The following RHPN2 variants were observed in gnomAD, a reference collection of about 807,000 sequenced individuals.
RHPN2 encodes rhophilin-2.
Under a neutral mutation model 79.0 loss-of-function variants are expected in RHPN2, and 40 were observed. The ratio of observed to expected loss-of-function variants is 0.51; its 90% CI spans 0.39 to 0.66. RHPN2 has a LOEUF of 0.66. Among genes scored for constraint, RHPN2 ranks in the 30% least tolerant of loss-of-function variants. The pLI, the probability that RHPN2 is intolerant of heterozygous loss-of-function variation, is 0.00. For synonymous variants in RHPN2, 285 were observed against 363.5 expected (o/e 0.78, Z 2.46); for missense variants, 686 against 883.5 (o/e 0.78, Z 2.83).
chr19:32,984,476 T>C (rs1295050877), intron 14 of RHPN2, among the ~76,000 whole-genome samples: 1 of 152,026 alleles, frequency 6.6e-6, no homozygotes, highest in Non-Finnish European at 1.5e-5. Context: ...CTGGCCAATA[T>C]GGTGAAACCC....
chr19:33,049,411 C>T (rs1346111642), intron 1 of RHPN2, among the ~76,000 whole-genome samples: 1 of 152,160 alleles, frequency 6.6e-6, no homozygotes, highest in Non-Finnish European at 1.5e-5. Context: ...CTCTGCAACT[C>T]AGAGACAGGG....
At chr19:33,014,464 CT>C (rs771734322) in intron 4 of RHPN2, among the ~76,000 whole-genome samples, 58 of 152,222 alleles carry the variant, frequency 3.8e-4, no homozygotes, top group Non-Finnish European at 7.5e-4. Flanking sequence ...CACCACCACA[CT>C]CAGCTAATAT....
intron 14 of RHPN2, among the ~76,000 whole-genome samples, chr19:32,986,907 G>C (rs1388273864): frequency 3.3e-5 from 5 of 151,234 alleles, no homozygotes; most frequent in African/African-American, 4.9e-5. Context: ...ACAGGGTCTT[G>C]CTCTGACACC....
chr19:33,064,222 T>C (rs1476933917), intron 1 of RHPN2, among the ~76,000 whole-genome samples: 1 of 151,852 alleles, frequency 6.6e-6, no homozygotes, highest in Non-Finnish European at 1.5e-5. Context: ...CAGTCCCAGT[T>C]ACTCGGGAGG....
At chr19:33,012,977 G>A (rs1304883003) in intron 4 of RHPN2, among the ~76,000 whole-genome samples, 2 of 151,880 alleles carry the variant, frequency 1.3e-5, no homozygotes, top group Admixed American at 6.6e-5. Context: ...CCGGGTTCAC[G>A]CAATTCTCCT....
At chr19:33,003,269 G>A (rs1971764807) in intron 7 of RHPN2, among the ~76,000 whole-genome samples, 1 of 147,758 alleles carries the variant, frequency 6.8e-6, no homozygotes, top group African/African-American at 2.5e-5. Context: ...GAGGCAGGAG[G>A]ATTGCTTGAG....
At position 32,996,111 on chromosome 19, in the gene RHPN2, G is replaced by T. The variant is rs763650342; in HGVS notation, c.1335C>A (p.Ala445=). Residue 445 remains alanine, a synonymous_variant, in exon 11 of 15, where the codon GCC becomes GCA. Coordinates refer to ENST00000254260, the MANE Select transcript of RHPN2 (RefSeq NM_033103.5). ...SIEVLQKVLC[A]AQERSRLTYA... Reference sequence around the variant, plus strand: ...ACGTGAGCCGGGAGCGTTCCTGTGCGGCACACAGCACCTTCTGTAGCACCT... The same window carrying T: ...ACGTGAGCCGGGAGCGTTCCTGTGCTGCACACAGCACCTTCTGTAGCACCT... 24 of 1,614,038 alleles carry T rather than the reference G, an allele frequency of 1.5e-5. No homozygotes were observed. The highest frequency in any genetic ancestry group is 1.9e-5 in the Non-Finnish European group (22 of 1,179,922).
chr19:33,022,452 TA>T (rs1346327550), intron 3 of RHPN2, among the ~76,000 whole-genome samples: 1 of 152,040 alleles, frequency 6.6e-6, no homozygotes, highest in Non-Finnish European at 1.5e-5. Context: ...TCTGGGTTCA[TA>T]GGGGCCTCTT....
intron 7 of RHPN2, 75 bp from the exon 8 acceptor site, chr19:33,003,075 G>A: frequency 7.3e-7 from 1 of 1,374,716 alleles, no homozygotes; most frequent in Non-Finnish European, 1.0e-6. Context: ...AGAAAGATAG[G>A]AGGCCGAGTG....
rs750188155 is a variant in RHPN2 at position 33,002,933 on chromosome 19, G to A, written c.828C>T (p.Leu276=). 2.5e-6 allele frequency: 4 copies of A among 1,613,952 alleles called. No individual in the cohort carries two copies. In the East Asian group the frequency reaches 6.7e-5, roughly 27 times the overall value. The change falls in exon 8 of 15, where the codon CTC becomes CTT. Residue 276 remains leucine, a synonymous_variant. Transcript: ENST00000254260. Reference sequence around the variant, plus strand: ...CAAGCATCATTTTGACGAGCACGCTGAGCATGGCAGGGCTCATGTCGTAAC... The same window carrying A: ...CAAGCATCATTTTGACGAGCACGCTAAGCATGGCAGGGCTCATGTCGTAAC... ...TPSYDMSPAM[L]SVLVKMMLAQ... is the part of the protein sequence containing the mutation.
intron 1 of RHPN2, among the ~76,000 whole-genome samples, chr19:33,057,885 C>T (rs764645593): frequency 6.6e-6 from 1 of 151,908 alleles, no homozygotes; most frequent in Non-Finnish European, 1.5e-5. Flanking sequence ...CTGGGCTCGG[C>T]GCAGTGGCTC....
rs1201194176 is a variant in RHPN2 at position 33,012,743 on chromosome 19, C to T, written c.391-19G>A. The T allele has an allele frequency of 7.1e-7, 1 of 1,414,294 alleles. No individual in the cohort carries two copies. Among genetic ancestry groups the T allele is most frequent in the Admixed American group, 1.7e-5 (1 of 59,708 alleles). The allele number at this position is 1,414,294 out of a possible 1,614,324, so 87.6% of individuals were successfully genotyped here. ...TAAAATCCTTAAAGAAAAATGAGGT[C>T]AGATGTTATAAAGTGTGGCTGAAAA... On this transcript the variant is annotated intron_variant, in intron 4 of 14. Coordinates refer to ENST00000254260, the MANE Select transcript of RHPN2 (RefSeq NM_033103.5).
intron 10 of RHPN2, among the ~76,000 whole-genome samples, chr19:32,998,514 GT>G (rs1163135830): frequency 1.3e-5 from 2 of 151,994 alleles, no homozygotes; most frequent in Admixed American, 6.6e-5. Flanking sequence ...GGGCGTGGTG[GT>G]GCATGCCTGT....
At chr19:33,015,331 A>AG (rs1217072965) in intron 4 of RHPN2, among the ~76,000 whole-genome samples, 8 of 152,216 alleles carry the variant, frequency 5.3e-5, no homozygotes, top group Non-Finnish European at 1.2e-4. Context: ...AGGCTGAGGC[A>AG]GGAGAATAGC....
intron 14 of RHPN2, among the ~76,000 whole-genome samples, chr19:32,985,090 C>T (rs995380927): frequency 2.6e-5 from 4 of 152,022 alleles, no homozygotes; most frequent in Admixed American, 6.6e-5. Flanking sequence ...CCTCTGCCTC[C>T]TGGGTTCAAG....
At position 33,013,663 on chromosome 19, in the gene RHPN2, T is replaced by C. The variant is rs369391200; in HGVS notation, c.391-939A>G. Among the ~76,000 whole-genome samples, 11 of 152,132 alleles carry C rather than the reference T, an allele frequency of 7.2e-5. No homozygotes were observed. The East Asian group carries it at 1.4e-3, about 19-fold the overall frequency. On this transcript the variant is annotated intron_variant, in intron 4 of 14. Transcript: ENST00000254260. ...AGCCCAGGAGTTCGAGACCAGTCTA[T>C]GGCCTATACATTCAACTATACTGCA... is the stretch of plus-strand genomic sequence containing the variant.
At chr19:33,018,438 A>G (rs1489981477) in intron 4 of RHPN2, among the ~76,000 whole-genome samples, 1 of 152,154 alleles carries the variant, frequency 6.6e-6, no homozygotes, top group Non-Finnish European at 1.5e-5. Flanking sequence ...CAAAGTGCTA[A>G]GATTATAGGC....
At chr19:32,983,629 CTTTTTTTT>C (rs558224234) in intron 14 of RHPN2, among the ~76,000 whole-genome samples, 1 of 126,930 alleles carries the variant, frequency 7.9e-6, no homozygotes, top group Non-Finnish European at 1.6e-5. Context: ...TTTTAAAAGC[CTTTTTTTT>C]TTTTTTTTTT....
At position 33,031,210 on chromosome 19, in the gene RHPN2, T is replaced by TTTCTATTCTATTCTATTCTATTCTA. The variant is rs150522688; in HGVS notation, c.186-4603_186-4579dup. ...TTCAGAATTTTATTCTATTCTATTC[T>TTTCTATTCTATTCTATTCTATTCTA]TTCTATTCTATTCTATTCTATTCTA... On this transcript the variant is annotated intron_variant, in intron 2 of 14. Coordinates refer to ENST00000254260, the MANE Select transcript of RHPN2 (RefSeq NM_033103.5). Among the ~76,000 whole-genome samples, 631 of 145,140 alleles carry TTTCTATTCTATTCTATTCTATTCTA rather than the reference T, an allele frequency of 4.3e-3. 3 individuals are homozygous for TTTCTATTCTATTCTATTCTATTCTA. The highest frequency in any genetic ancestry group is 8.6e-3 in the East Asian group (42 of 4,872).
Sources: allele counts gnomAD v4.1 joint callset (sites outside exome capture counted in the v4.1 genomes callset), GRCh38; gene constraint gnomAD v4.1.1; transcripts MANE v1.5; gene names NCBI Gene and HGNC (gene_info 2026-07-23, HGNC 2026-07-21).